Variants in CAB39 observed in about 807,000 individuals in gnomAD.
CAB39 encodes calcium binding protein 39, also known as calcium-binding protein 39.
Under a neutral mutation model 40.0 loss-of-function variants are expected in CAB39, and 8 were observed. The ratio of observed to expected loss-of-function variants is 0.20; its 90% CI spans 0.12 to 0.36. The LOEUF is 0.36. Among genes scored for constraint, CAB39 ranks in the 10% least tolerant of loss-of-function variants. The pLI, the probability that CAB39 is intolerant of heterozygous loss-of-function variation, is 1.00. For missense variants in CAB39, 270 were observed against 401.1 expected (o/e 0.67, Z 2.79); for synonymous variants, 156 against 141.6 (o/e 1.10, Z -0.72).
At chr2:230,787,231 C>T (rs2124952510) in intron 2 of CAB39, among the ~76,000 whole-genome samples, 1 of 152,264 alleles carries the variant, frequency 6.6e-6, no homozygotes, top group South Asian at 2.1e-4. Context: ...ATATACATGA[C>T]TGAGCAGCCC....
Position 230,750,740 on chromosome 2 carries a change from A to C in CAB39, c.-43-9219A>C, listed in dbSNP as rs540490095. The stretch of plus-strand genomic sequence containing the variant: ...ATAGAACAATAAGGTCATTCATTTT[A>C]TTCCATTTTATATTGCTATCCAGTT... On this transcript the variant is annotated intron_variant, in intron 1 of 8. Coordinates refer to ENST00000258418, the MANE Select transcript of CAB39 (RefSeq NM_016289.4). Among the ~76,000 whole-genome samples the C allele has an allele frequency of 3.9e-5, 6 of 152,320 alleles. No homozygotes were observed. In the South Asian group the frequency reaches 1.2e-3, roughly 32 times the overall value.
At chr2:230,793,082 A>G (rs1478462570) in intron 3 of CAB39, 131 bp from the exon 4 acceptor site, 6 of 594,830 alleles carry the variant, frequency 1.0e-5, no homozygotes, top group Non-Finnish European at 1.9e-5. Flanking sequence ...TTTAATGTCT[A>G]TGAATGTGTT....
intron 1 of CAB39, among the ~76,000 whole-genome samples, chr2:230,724,538 G>A (rs894260774): frequency 2.0e-5 from 3 of 151,812 alleles, no homozygotes; most frequent in East Asian, 2.0e-4. Context: ...AAAATTAGCC[G>A]GGCATGGTGG....
At chr2:230,769,414 G>C (rs1695444844) in intron 2 of CAB39, among the ~76,000 whole-genome samples, 1 of 152,124 alleles carries the variant, frequency 6.6e-6, no homozygotes, top group South Asian at 2.1e-4. Context: ...AACTTGACCT[G>C]ATTGACATTT....
Position 230,775,162 on chromosome 2 carries a change from A to G in CAB39, c.114+15047A>G, listed in dbSNP as rs1265820358. ...AAGATTGGGTTTAAAGAAACTCAAAAAAAACAAAAAATAATAATTTAAGCC... is the reference window on the plus strand; with the variant it reads ...AAGATTGGGTTTAAAGAAACTCAAAGAAAACAAAAAATAATAATTTAAGCC... On this transcript the variant is annotated intron_variant, in intron 2 of 8. Transcript: ENST00000258418. Among the ~76,000 whole-genome samples the G allele has an allele frequency of 2.0e-5, 3 of 152,166 alleles. No homozygotes were observed. The East Asian group carries it at 5.8e-4, about 29-fold the overall frequency.
intron 1 of CAB39, among the ~76,000 whole-genome samples, chr2:230,714,879 G>A (rs894958695): frequency 3.3e-5 from 5 of 152,196 alleles, no homozygotes; most frequent in Non-Finnish European, 7.4e-5. Context: ...AGTTTTGTAA[G>A]CTTGCACTTG....
In CAB39 at chr2:230,815,024, C is replaced by T. The variant is rs190965648; in HGVS notation, c.693+910C>T. 7.4e-3 allele frequency among the ~76,000 whole-genome samples: 1,122 copies of T among 152,348 alleles called. 12 individuals are homozygous for T. Among genetic ancestry groups the T allele is most frequent in the African/African-American group, 0.025 (1,050 of 41,570 alleles). On this transcript the variant is annotated intron_variant, in intron 7 of 8. Transcript: ENST00000258418. Reference sequence around the variant, plus strand: ...AATGACCAAGATTCCATCCACTCATCCCCTTCCTACCGTGGGGAAATCTCC... The same window carrying T: ...AATGACCAAGATTCCATCCACTCATTCCCTTCCTACCGTGGGGAAATCTCC...
chr2:230,726,031 G>A (rs1395024503), intron 1 of CAB39, among the ~76,000 whole-genome samples: 2 of 152,056 alleles, frequency 1.3e-5, no homozygotes, highest in Non-Finnish European at 2.9e-5. Flanking sequence ...ATAAGGATGG[G>A]GCAGGATAGG....
intron 5 of CAB39, among the ~76,000 whole-genome samples, chr2:230,808,405 C>T (rs952185759): frequency 6.6e-6 from 1 of 152,214 alleles, no homozygotes; most frequent in African/African-American, 2.4e-5. Context: ...CCTGTGGCAC[C>T]TCCATAGCGG....
chr2:230,787,240 C>G (rs1482662113), intron 2 of CAB39, among the ~76,000 whole-genome samples: 2 of 152,098 alleles, frequency 1.3e-5, no homozygotes, highest in Non-Finnish European at 2.9e-5. Context: ...ACTGAGCAGC[C>G]CTGCTCCAAG....
intron 1 of CAB39, among the ~76,000 whole-genome samples, chr2:230,753,668 C>T (rs993589633): frequency 6.7e-6 from 1 of 149,228 alleles, no homozygotes; most frequent in Non-Finnish European, 1.5e-5. Context: ...TGCTTGAACC[C>T]AGGAGGTGGA....
intron 8 of CAB39, 75 bp from the exon 9 acceptor site, chr2:230,818,441 G>A: frequency 8.1e-7 from 1 of 1,232,628 alleles, no homozygotes; most frequent in Non-Finnish European, 1.2e-6. Context: ...CTGCTTTTCT[G>A]CACTGTGGCC....
At chr2:230,753,206 G>A (rs1695119999) in intron 1 of CAB39, among the ~76,000 whole-genome samples, 2 of 152,314 alleles carry the variant, frequency 1.3e-5, no homozygotes, top group South Asian at 4.1e-4. Flanking sequence ...AAAGGGGGAA[G>A]CTAAATGTCC....
chr2:230,718,062 T>C (rs1694382675), intron 1 of CAB39, among the ~76,000 whole-genome samples: 1 of 152,210 alleles, frequency 6.6e-6, no homozygotes, highest in East Asian at 1.9e-4. Flanking sequence ...ATGTGTGTAT[T>C]CATATGCATG....
At chr2:230,728,953 C>T (rs1694635487) in intron 1 of CAB39, among the ~76,000 whole-genome samples, 1 of 152,196 alleles carries the variant, frequency 6.6e-6, no homozygotes, top group African/African-American at 2.4e-5. Context: ...CTAAGTAAAA[C>T]ACCAGCAAAA....
At chr2:230,817,710 C>T in intron 7 of CAB39, 44 bp from the exon 8 acceptor site, 1 of 1,468,980 alleles carries the variant, frequency 6.8e-7, no homozygotes, top group Non-Finnish European at 9.2e-7. Flanking sequence ...TTTGATTTTT[C>T]TTTAAGTTTT....
At chr2:230,781,718 A>G (rs2124945078) in intron 2 of CAB39, among the ~76,000 whole-genome samples, 1 of 152,300 alleles carries the variant, frequency 6.6e-6, no homozygotes, top group South Asian at 2.1e-4. Context: ...GTAGGAGATG[A>G]GAAGGATGTG....
intron 5 of CAB39, among the ~76,000 whole-genome samples, chr2:230,803,845 TG>T (rs1559616530): frequency 6.6e-6 from 1 of 152,200 alleles, no homozygotes; most frequent in Non-Finnish European, 1.5e-5. Context: ...ATAGATTCAA[TG>T]CCATTCCCAT....
intron 2 of CAB39, among the ~76,000 whole-genome samples, chr2:230,762,089 G>A (rs1695305464): frequency 6.6e-6 from 1 of 152,060 alleles, no homozygotes; most frequent in Non-Finnish European, 1.5e-5. Context: ...TGTAGTTTTA[G>A]TAGAGACGGG....
Sources: allele counts gnomAD v4.1 joint callset (sites outside exome capture counted in the v4.1 genomes callset), GRCh38; gene constraint gnomAD v4.1.1; transcripts MANE v1.5; gene names NCBI Gene and HGNC (gene_info 2026-07-23, HGNC 2026-07-21).